CDH12: variants seen among roughly 807,000 people sequenced by gnomAD.
The protein encoded by CDH12 is cadherin-12.
CDH12 carries 41 observed loss-of-function variants against 74.1 expected under a neutral mutation model. That is an observed-to-expected ratio of 0.55 (90% CI 0.43 to 0.72). CDH12 has a LOEUF of 0.72. CDH12 is among the 30% of genes least tolerant of loss of function. The probability of loss-of-function intolerance (pLI) is 0.00; values close to 1 mark genes in which losing one functional copy is unlikely to be tolerated. For synonymous variants in CDH12, 399 were observed against 355.0 expected (o/e 1.12, Z -1.39); for missense variants, 945 against 977.2 (o/e 0.97, Z 0.44).
intron 1 of CDH12, among the ~76,000 whole-genome samples, chr5:22,612,015 G>A (rs1415433870): frequency 5.3e-5 from 8 of 152,002 alleles, no homozygotes; most frequent in South Asian, 4.2e-4. Flanking sequence ...AATGGAATTC[G>A]GGCATATTCA....
At chr5:21,805,108 G>A (rs758182870) in intron 9 of CDH12, among the ~76,000 whole-genome samples, 8 of 151,994 alleles carry the variant, frequency 5.3e-5, no homozygotes, top group Non-Finnish European at 1.0e-4. Context: ...AGCTGACCTG[G>A]CTCATACTTA....
intron 1 of CDH12, among the ~76,000 whole-genome samples, chr5:22,633,218 A>G (rs529440553): frequency 6.6e-6 from 1 of 152,336 alleles, no homozygotes; most frequent in South Asian, 2.1e-4. Flanking sequence ...ATTTTAAATT[A>G]AAAGTCACTG....
intron 1 of CDH12, among the ~76,000 whole-genome samples, chr5:22,694,546 C>T (rs1742248805): frequency 6.6e-6 from 1 of 152,004 alleles, no homozygotes; most frequent in Non-Finnish European, 1.5e-5. Context: ...TGTGATTATT[C>T]TGTTTCTAGA....
intron 3 of CDH12, among the ~76,000 whole-genome samples, chr5:22,365,455 T>C (rs563210641): frequency 2.1e-4 from 32 of 152,288 alleles, no homozygotes; most frequent in African/African-American, 7.7e-4. Context: ...ATACACAAGA[T>C]AAATAAGCTA....
chr5:22,158,692 T>C (rs1748165358), intron 4 of CDH12, among the ~76,000 whole-genome samples: 1 of 152,126 alleles, frequency 6.6e-6, no homozygotes, highest in Non-Finnish European at 1.5e-5. Context: ...TTTATATCAT[T>C]ATGACAGAAT....
intron 8 of CDH12, among the ~76,000 whole-genome samples, chr5:21,825,964 A>G (rs1003239129): frequency 6.6e-6 from 1 of 152,286 alleles, no homozygotes; most frequent in Non-Finnish European, 1.5e-5. Flanking sequence ...GCTTTAGCCC[A>G]GGGACCATCC....
intron 1 of CDH12, among the ~76,000 whole-genome samples, chr5:22,687,049 A>G (rs1019139170): frequency 6.6e-6 from 1 of 152,128 alleles, no homozygotes; most frequent in Non-Finnish European, 1.5e-5. Flanking sequence ...TAATCCCAGC[A>G]CTTCGGGAGG....
At chr5:21,826,802 G>A (rs928666103) in intron 8 of CDH12, among the ~76,000 whole-genome samples, 3 of 152,052 alleles carry the variant, frequency 2.0e-5, no homozygotes, top group South Asian at 2.1e-4. Flanking sequence ...TTCTAAGCAC[G>A]TTTCCATTAT....
intron 1 of CDH12, among the ~76,000 whole-genome samples, chr5:22,582,374 C>A (rs1338859368): frequency 6.6e-6 from 1 of 152,156 alleles, no homozygotes; most frequent in African/African-American, 2.4e-5. Flanking sequence ...AAAATTAATT[C>A]ATCCCTTTGT....
intron 2 of CDH12, among the ~76,000 whole-genome samples, chr5:22,462,793 T>C (rs752015892): frequency 1.3e-5 from 2 of 152,112 alleles, no homozygotes; most frequent in Non-Finnish European, 2.9e-5. Context: ...GAAAAAAGTA[T>C]GTGAGAAAAA....
intron 2 of CDH12, among the ~76,000 whole-genome samples, chr5:22,433,990 A>G (rs1167920060): frequency 6.6e-6 from 1 of 152,132 alleles, no homozygotes; most frequent in Non-Finnish European, 1.5e-5. Context: ...AAGTTTTCTG[A>G]GTCGTTCTGA....
intron 1 of CDH12, among the ~76,000 whole-genome samples, chr5:22,679,050 A>G (rs1046635820): frequency 7.2e-5 from 11 of 152,178 alleles, no homozygotes; most frequent in African/African-American, 2.7e-4. Flanking sequence ...AGGCATATGC[A>G]CATTAATCAC....
intron 2 of CDH12, among the ~76,000 whole-genome samples, chr5:22,453,737 G>A (rs1026418282): frequency 6.6e-6 from 1 of 152,052 alleles, no homozygotes; most frequent in Non-Finnish European, 1.5e-5. Context: ...GATTTTGAGT[G>A]CTCTCACTGC....
At chr5:22,580,255 T>A (rs1391096593) in intron 1 of CDH12, 1 of 349,238 alleles carries the variant, frequency 2.9e-6, no homozygotes, top group Non-Finnish European at 5.7e-6. Flanking sequence ...GCTTCATGTC[T>A]CAGATAATCA....
intron 4 of CDH12, among the ~76,000 whole-genome samples, chr5:22,149,887 C>T (rs1470540289): frequency 4.6e-5 from 7 of 152,002 alleles, no homozygotes; most frequent in African/African-American, 7.2e-5. Context: ...CCCAGCTTCT[C>T]GGGAGGCTGA....
At chr5:21,875,908 T>C (rs1751911878) in intron 6 of CDH12, among the ~76,000 whole-genome samples, 1 of 151,342 alleles carries the variant, frequency 6.6e-6, no homozygotes, top group African/African-American at 2.4e-5. Context: ...TTTTTTTTTT[T>C]TTTTCTGAAA....
chr5:22,103,946 C>T (rs1321961692), intron 4 of CDH12, among the ~76,000 whole-genome samples: 2 of 152,114 alleles, frequency 1.3e-5, no homozygotes, highest in Non-Finnish European at 2.9e-5. Flanking sequence ...GGTACTCTAT[C>T]GCACTTTGCA....
At chr5:22,489,447 G>A (rs1746764726) in intron 2 of CDH12, among the ~76,000 whole-genome samples, 1 of 151,856 alleles carries the variant, frequency 6.6e-6, no homozygotes, top group Non-Finnish European at 1.5e-5. Context: ...TGATAACTGA[G>A]TTATCAACTT....
intron 2 of CDH12, among the ~76,000 whole-genome samples, chr5:22,466,790 T>A (rs1265489404): frequency 7.7e-6 from 1 of 129,428 alleles, no homozygotes; most frequent in Non-Finnish European, 1.6e-5. Context: ...TTTTTTTTTT[T>A]TTTTTTTTTT....
Sources: allele counts gnomAD v4.1 joint callset (sites outside exome capture counted in the v4.1 genomes callset), GRCh38; gene constraint gnomAD v4.1.1; transcripts MANE v1.5; gene names NCBI Gene and HGNC (gene_info 2026-07-23, HGNC 2026-07-21).